The following MLLT10 variants were observed in gnomAD, a reference collection of about 807,000 sequenced individuals.
The protein encoded by MLLT10 is MLLT10 histone lysine methyltransferase DOT1L cofactor.
Under a neutral mutation model 129.1 loss-of-function variants are expected in MLLT10, and 30 were observed. The ratio of observed to expected loss-of-function variants is 0.23; its 90% confidence interval spans 0.17 to 0.32. The LOEUF is 0.32. Among genes scored for constraint, MLLT10 ranks in the 10% least tolerant of loss-of-function variants. MLLT10 has a pLI of 1.00. For missense variants in MLLT10, 1,119 were observed against 1,268.3 expected (o/e 0.88, Z 1.79); for synonymous variants, 490 against 446.4 (o/e 1.10, Z -1.23).
intron 9 of MLLT10, 131 bp downstream of exon 9, chr10:21,651,899 ATTTCTTTTTTTTTTTT>A: frequency 5.4e-5 from 10 of 184,746 alleles, no homozygotes; most frequent in Admixed American, 2.6e-4. Flanking sequence ...TAGAATTCTC[ATTTCTTTTTTTTTTTT>A]TTTTTTTTTT....
intron 11 of MLLT10, among the ~76,000 whole-genome samples, chr10:21,678,032 A>G (rs963921107): frequency 6.6e-6 from 1 of 152,172 alleles, no homozygotes; most frequent in Non-Finnish European, 1.5e-5. Flanking sequence ...ATGCTGTATG[A>G]TTTTGTACTT....
intron 5 of MLLT10, among the ~76,000 whole-genome samples, chr10:21,607,240 G>A (rs755611124): frequency 4.0e-5 from 6 of 150,694 alleles, no homozygotes; most frequent in Non-Finnish European, 7.4e-5. Context: ...TCCACATTTT[G>A]CTATTATTAT....
chr10:21,653,579 A>G (rs2049267964), intron 9 of MLLT10, among the ~76,000 whole-genome samples: 1 of 152,196 alleles, frequency 6.6e-6, no homozygotes, highest in East Asian at 1.9e-4. Context: ...AAAGTCCAAG[A>G]TAACGTCCCT....
At chr10:21,553,282 T>G (rs941774147) in intron 3 of MLLT10, among the ~76,000 whole-genome samples, 1 of 152,206 alleles carries the variant, frequency 6.6e-6, no homozygotes, top group Non-Finnish European at 1.5e-5. Flanking sequence ...TCTACTGCCT[T>G]TTAGCTTTCA....
At chr10:21,623,395 C>A (rs1481076429) in intron 8 of MLLT10, among the ~76,000 whole-genome samples, 4 of 152,094 alleles carry the variant, frequency 2.6e-5, no homozygotes, top group Non-Finnish European at 5.9e-5. Context: ...TAGGGGAATT[C>A]AAAGAGTTTT....
At chr10:21,611,097 A>G (rs891676425) in intron 5 of MLLT10, among the ~76,000 whole-genome samples, 3 of 147,854 alleles carry the variant, frequency 2.0e-5, no homozygotes, top group African/African-American at 7.5e-5. Flanking sequence ...CCCTGGTTCA[A>G]GCGACTCTCC....
intron 8 of MLLT10, among the ~76,000 whole-genome samples, chr10:21,639,625 A>C (rs2047793473): frequency 6.6e-6 from 1 of 152,148 alleles, no homozygotes; most frequent in African/African-American, 2.4e-5. Context: ...GGCATGACTG[A>C]AGCATGGACA....
intron 2 of MLLT10, among the ~76,000 whole-genome samples, chr10:21,538,520 T>C (rs1366936977): frequency 2.6e-5 from 4 of 151,996 alleles, no homozygotes; most frequent in African/African-American, 4.8e-5. Context: ...TTGCCTAGAC[T>C]GTTCTGGAAC....
chr10:21,534,312 C>A lies in MLLT10; in HGVS notation c.-209C>A, dbSNP rs575143252. ...TGCCCCTGGCCCAGCGGGAGCCCCC[C>A]CTCCCCCCAGTGCGCCTGTGCGGAG... On this transcript the variant is annotated 5_prime_UTR_variant, in exon 1 of 23. Coordinates refer to ENST00000307729, the MANE Select transcript of MLLT10 (RefSeq NM_001195626.3). 29 of 381,652 alleles carry A rather than the reference C, an allele frequency of 7.6e-5. 2 individuals carry two copies. Among genetic ancestry groups the A allele is most frequent in the Non-Finnish European group, 1.2e-4 (26 of 213,368 alleles). The allele number at this position is 381,652 out of a possible 1,614,324, so 23.6% of individuals were successfully genotyped here.
At chr10:21,738,526 A>G in intron 21 of MLLT10, 2 of 1,287,454 alleles carry the variant, frequency 1.6e-6, no homozygotes, top group Non-Finnish European at 2.0e-6. Flanking sequence ...CGTGGGCTAA[A>G]GTTTGTTCAT....
intron 21 of MLLT10, among the ~76,000 whole-genome samples, chr10:21,736,956 CTG>C (rs1215481780): frequency 1.3e-5 from 2 of 152,168 alleles, no homozygotes; most frequent in Non-Finnish European, 2.9e-5. Context: ...TATTGAGAAA[CTG>C]TGGCCAGTGA....
Position 21,733,339 on chromosome 10 carries a change from A to G in MLLT10, c.2408-165A>G, listed in dbSNP as rs111598399. 0.019 allele frequency among the ~76,000 whole-genome samples: 2,929 copies of G among 152,222 alleles called. 93 individuals carry two copies. The highest frequency in any genetic ancestry group is 0.066 in the African/African-American group (2,748 of 41,540). On this transcript the variant is annotated intron_variant, in intron 18 of 22. Coordinates refer to ENST00000307729, the MANE Select transcript of MLLT10 (RefSeq NM_001195626.3). ...TTGATTTAAAGCGATGGTATTCAAT[A>G]TAGATTTTTTTTTCTTATTTAAATC...
chr10:21,737,196 T>C (rs922821921), intron 21 of MLLT10, among the ~76,000 whole-genome samples: 2 of 30,186 alleles, frequency 6.6e-5, no homozygotes, highest in Non-Finnish European at 1.1e-4. Context: ...ACAGGGACTG[T>C]TTCTTTCTTA....
At chr10:21,555,673 C>A (rs372600761) in intron 3 of MLLT10, among the ~76,000 whole-genome samples, 1 of 142,438 alleles carries the variant, frequency 7.0e-6, no homozygotes, top group African/African-American at 2.6e-5. Context: ...AAATGTAAGA[C>A]AATTTTTTTT....
intron 10 of MLLT10, among the ~76,000 whole-genome samples, chr10:21,672,626 T>C (rs947629860): frequency 6.6e-6 from 1 of 152,116 alleles, no homozygotes; most frequent in African/African-American, 2.4e-5. Flanking sequence ...TATCTTAGAA[T>C]GGTATGGTGG....
At position 21,566,870 on chromosome 10, in the gene MLLT10, A is replaced by G. The variant is rs568645294; in HGVS notation, c.241-19424A>G. ...CTCTTGTTGCCCAGGCTGAAGTGCA[A>G]TGGCATGATCTCGGCTCACCTCAAC... On this transcript the variant is annotated intron_variant, in intron 3 of 22. Transcript: ENST00000307729. 8.4e-4 allele frequency among the ~76,000 whole-genome samples: 128 copies of G among 151,800 alleles called. 1 individual carries two copies. Among genetic ancestry groups the G allele is most frequent in the African/African-American group, 2.9e-3 (119 of 41,378 alleles).
Position 21,684,654 on chromosome 10 carries a change from A to G in MLLT10, c.1699+2397A>G, listed in dbSNP as rs76744598. Among the ~76,000 whole-genome samples the G allele has an allele frequency of 1.5e-3, 236 of 152,298 alleles. 3 individuals are homozygous for G. The East Asian group carries it at 0.037, about 24-fold the overall frequency. ...TTATCCAGTCCCTTTTCTAGATGCT[A>G]CTAGAATTGATGGTCAATCTAAAGT... On this transcript the variant is annotated intron_variant, in intron 13 of 22. Coordinates refer to ENST00000307729, the MANE Select transcript of MLLT10 (RefSeq NM_001195626.3).
At chr10:21,535,531 C>T (rs990469254) in intron 2 of MLLT10, among the ~76,000 whole-genome samples, 1 of 152,124 alleles carries the variant, frequency 6.6e-6, no homozygotes, top group African/African-American at 2.4e-5. Flanking sequence ...TGCCAAGTCA[C>T]TTTTGGGGAG....
rs541702836 is a variant in MLLT10 at position 21,588,606 on chromosome 10, C to T, written c.295+2258C>T. The stretch of plus-strand genomic sequence containing the variant: ...TGATAGATAGTCCCAAATTATTTGC[C>T]CTGTAGTTTTACCAATATATGTTCC... On this transcript the variant is annotated intron_variant, in intron 4 of 22. Coordinates refer to ENST00000307729, the MANE Select transcript of MLLT10 (RefSeq NM_001195626.3). Among the ~76,000 whole-genome samples, 196 of 152,004 alleles carry T rather than the reference C, an allele frequency of 1.3e-3. 2 individuals are homozygous for T. Among genetic ancestry groups the T allele is most frequent in the African/African-American group, 4.4e-3 (184 of 41,476 alleles).
Sources: allele counts gnomAD v4.1 joint callset (sites outside exome capture counted in the v4.1 genomes callset), GRCh38; gene constraint gnomAD v4.1.1; transcripts MANE v1.5; gene names NCBI Gene and HGNC (gene_info 2026-07-23, HGNC 2026-07-21).